ZMYM2: variants seen among roughly 807,000 people sequenced by gnomAD.
ZMYM2 encodes the protein zinc finger MYM-type containing 2, also known as zinc finger MYM-type protein 2.
Under a neutral mutation model 162.8 loss-of-function variants are expected in ZMYM2, and 56 were observed. The ratio of observed to expected loss-of-function variants is 0.34; its 90% CI spans 0.28 to 0.43. The LOEUF (loss-of-function observed/expected upper bound fraction) is 0.43. ZMYM2 is among the 20% of genes least tolerant of loss of function. ZMYM2 has a pLI of 1.00. For synonymous variants in ZMYM2, 510 were observed against 541.6 expected (o/e 0.94, Z 0.81); for missense variants, 1,275 against 1,621.8 (o/e 0.79, Z 3.67).
Position 20,031,927 on chromosome 13 carries a change from G to A in ZMYM2, c.1968+492G>A, listed in dbSNP as rs150972261. Among the ~76,000 whole-genome samples the A allele has an allele frequency of 7.8e-3, 1,116 of 142,624 alleles. 21 individuals carry two copies. Among genetic ancestry groups the A allele is most frequent in the African/African-American group, 0.025 (976 of 38,506 alleles). The allele number at this position is 142,624 out of a possible 152,430, so 93.6% of individuals were successfully genotyped here. On this transcript the variant is annotated intron_variant, in intron 10 of 24. Transcript: ENST00000610343. The stretch of plus-strand genomic sequence containing the variant: ...GCTGTGTTGCCCAGGCTGGAGTGCA[G>A]TGGCACGATCTCGGCTCACTGCAAT...
chr13:20,030,140 C>T (rs1379916585), intron 9 of ZMYM2, among the ~76,000 whole-genome samples: 1 of 151,796 alleles, frequency 6.6e-6, no homozygotes, highest in Non-Finnish European at 1.5e-5. Context: ...TAAAATTCCT[C>T]TTATGAATAC....
At chr13:19,934,940 T>C in the ZMYM2 span, among the ~76,000 whole-genome samples, 1 of 151,938 alleles carries the variant, frequency 6.6e-6, no homozygotes, top group Admixed American at 6.6e-5. Flanking sequence ...CTAATTTTTG[T>C]ATTTTTAGTA....
At chr13:19,976,830 T>C (rs1016870863) in intron 2 of ZMYM2, among the ~76,000 whole-genome samples, 1 of 152,234 alleles carries the variant, frequency 6.6e-6, no homozygotes, top group Admixed American at 6.5e-5. Flanking sequence ...CCTTACTGAT[T>C]TTCCGTTTGG....
At chr13:19,927,162 CTT>C in the ZMYM2 span, among the ~76,000 whole-genome samples, 1 of 152,094 alleles carries the variant, frequency 6.6e-6, no homozygotes, top group Admixed American at 6.6e-5. Context: ...TAGTTTCTCT[CTT>C]TTTCTTGATA....
intron 12 of ZMYM2, among the ~76,000 whole-genome samples, chr13:20,049,273 AT>A (rs1479633996): frequency 6.6e-6 from 1 of 151,900 alleles, no homozygotes; most frequent in Admixed American, 6.6e-5. Context: ...GAGGGAAATT[AT>A]CTAAATTTGT....
intron 4 of ZMYM2, among the ~76,000 whole-genome samples, 179 bp from the exon 5 acceptor site, chr13:20,004,895 C>G (rs529750009): frequency 2.0e-5 from 3 of 152,082 alleles, no homozygotes; most frequent in African/African-American, 7.2e-5. Flanking sequence ...TTTTGCTTCT[C>G]AAAAGTCTTT....
In ZMYM2 at chr13:20,005,125, G is replaced by A. The variant is rs1950647064; in HGVS notation, c.1185G>A (p.Glu395=). 2 of 1,606,726 alleles carry A rather than the reference G, an allele frequency of 1.2e-6. No individual in the cohort carries two copies. Among genetic ancestry groups the A allele is most frequent in the South Asian group, 2.2e-5 (2 of 89,680 alleles). The change falls in exon 5 of 25, where the codon GAG becomes GAA. Residue 395 remains glutamate, a synonymous_variant. Transcript: ENST00000610343. The stretch of plus-strand genomic sequence containing the variant: ...TTGTTGCTCAAGTGGATTCAAGTGA[G>A]TCCTTCCAGGAATTCTGTAGTACAT... ...GTIVAQVDSS[E]SFQEFCSTSC...
intron 14 of ZMYM2, among the ~76,000 whole-genome samples, chr13:20,058,365 T>C (rs1204189285): frequency 3.9e-5 from 6 of 152,224 alleles, no homozygotes; most frequent in South Asian, 2.1e-4. Flanking sequence ...ATAGAATGAA[T>C]AATTGCTACC....
intron 2 of ZMYM2, among the ~76,000 whole-genome samples, chr13:19,971,345 AC>A (rs1396359576): frequency 1.5e-5 from 2 of 135,836 alleles, no homozygotes; most frequent in Non-Finnish European, 3.1e-5. Flanking sequence ...ATCTCGGCTC[AC>A]CACCACCTCT....
chr13:19,866,915 T>C, the ZMYM2 span, among the ~76,000 whole-genome samples: 3 of 152,124 alleles, frequency 2.0e-5, no homozygotes, highest in Non-Finnish European at 4.4e-5. Context: ...AAAAAAGTTG[T>C]TTATAATAAT....
the ZMYM2 span, among the ~76,000 whole-genome samples, chr13:19,938,018 A>G: frequency 2.6e-5 from 4 of 152,144 alleles, no homozygotes; most frequent in Admixed American, 2.0e-4. Flanking sequence ...TCCATGGTGT[A>G]TATGTGCCAC....
intron 10 of ZMYM2, among the ~76,000 whole-genome samples, chr13:20,032,411 T>C (rs564351656): frequency 1.3e-5 from 2 of 151,818 alleles, no homozygotes; most frequent in Admixed American, 6.6e-5. Flanking sequence ...TTTCACTGCT[T>C]TAGGGGTGGG....
At chr13:19,949,933 G>GA in the ZMYM2 span, among the ~76,000 whole-genome samples, 144,801 of 147,252 alleles carry the variant, frequency 0.98, 71,247 homozygotes, top group Middle Eastern at 1. Context: ...GAGCGAGAGA[G>GA]AAAAAAAGAA....
intron 12 of ZMYM2, among the ~76,000 whole-genome samples, chr13:20,048,761 TTAG>T (rs375125727): frequency 5.9e-5 from 9 of 151,540 alleles, no homozygotes; most frequent in African/African-American, 1.9e-4. Context: ...GAGTCAGAGT[TTAG>T]TACCTGGCTG....
intron 12 of ZMYM2, among the ~76,000 whole-genome samples, chr13:20,050,199 T>A (rs954324051): frequency 1.3e-5 from 2 of 151,932 alleles, no homozygotes; most frequent in African/African-American, 4.8e-5. Flanking sequence ...ATTTAACATT[T>A]ATTCAGCAGG....
At chr13:19,987,374 C>T (rs1949245016) in intron 2 of ZMYM2, among the ~76,000 whole-genome samples, 1 of 151,942 alleles carries the variant, frequency 6.6e-6, no homozygotes, top group South Asian at 2.1e-4. Flanking sequence ...AGCGATTCTC[C>T]TGCCTCAGCC....
the ZMYM2 span, among the ~76,000 whole-genome samples, chr13:19,884,214 T>TA: frequency 6.6e-6 from 1 of 151,862 alleles, no homozygotes; most frequent in Non-Finnish European, 1.5e-5. Flanking sequence ...CAAAAAAATT[T>TA]AAAAATTAGC....
At chr13:19,873,772 G>A in the ZMYM2 span, among the ~76,000 whole-genome samples, 5 of 151,350 alleles carry the variant, frequency 3.3e-5, no homozygotes, top group African/African-American at 9.7e-5. Context: ...GAACCACCAC[G>A]TCAGAGGCGT....
chr13:20,034,349 G>A lies in ZMYM2; in HGVS notation c.2064G>A (p.Lys688=), dbSNP rs762319037. ...VTYCEYCQEE[K]TLHETVNFSG... The stretch of plus-strand genomic sequence containing the variant: ...ATTGCGAATACTGTCAAGAGGAGAA[G>A]ACTCTTCATGAAACAGTAAATTTCT... The change falls in exon 11 of 25, where the codon AAG becomes AAA. Residue 688 remains lysine (K), a synonymous_variant. Coordinates refer to ENST00000610343, the MANE Select transcript of ZMYM2 (RefSeq NM_197968.4). The A allele has an allele frequency of 6.2e-7, 1 of 1,610,092 alleles. No individual in the cohort carries two copies. The highest frequency in any genetic ancestry group is 1.1e-5 in the South Asian group (1 of 89,972).
Sources: gnomAD v4.1 joint callset for allele counts (sites outside exome capture counted in the v4.1 genomes callset) on GRCh38, gnomAD v4.1.1 for gene constraint, MANE v1.5 for transcripts, NCBI Gene and HGNC (gene_info 2026-07-23, HGNC 2026-07-21) for gene names.